FGF12: variants seen among roughly 807,000 people sequenced by gnomAD.
FGF12 encodes fibroblast growth factor 12B.
A neutral mutation model predicts 23.6 loss-of-function variants in FGF12; 14 were observed. The ratio of observed to expected loss-of-function variants is 0.59; its 90% CI spans 0.39 to 0.93. The LOEUF (loss-of-function observed/expected upper bound fraction) is 0.93. Among genes scored for constraint, FGF12 ranks in the 40% least tolerant of loss-of-function variants. The pLI, the probability that FGF12 is intolerant of heterozygous loss-of-function variation, is 0.00. For synonymous variants in FGF12, 62 were observed against 77.3 expected, an observed-to-expected ratio of 0.80 and a Z score of 1.04; for missense variants, 175 against 217.8, an observed-to-expected ratio of 0.80 and a Z score of 1.24.
intron 4 of FGF12, among the ~76,000 whole-genome samples, chr3:192,318,314 A>G (rs1716338067): frequency 6.6e-6 from 1 of 152,196 alleles, no homozygotes; most frequent in South Asian, 2.1e-4. Flanking sequence ...TGTTTTGAGG[A>G]AGGTCAACAA....
At chr3:192,296,336 A>G (rs1715041698) in intron 4 of FGF12, among the ~76,000 whole-genome samples, 1 of 150,508 alleles carries the variant, frequency 6.6e-6, no homozygotes, top group South Asian at 2.1e-4. Flanking sequence ...TGGTCCCCCC[A>G]CCTCAGCCTT....
Position 192,331,591 on chromosome 3 carries a change from C to T in FGF12, c.228+3770G>A, listed in dbSNP as rs538660161. 1.2e-4 allele frequency among the ~76,000 whole-genome samples: 19 copies of T among 152,090 alleles called. No homozygotes were observed. In the East Asian group the frequency reaches 3.3e-3, roughly 26 times the overall value. On this transcript the variant is annotated intron_variant, in intron 4 of 5. Coordinates refer to ENST00000445105, the MANE Select transcript of FGF12 (RefSeq NM_004113.6). ...TACGCTAAGTGAAATAAGCCAGTTA[C>T]AAAATGCACAAATACTGCATTTTCC...
At chr3:192,520,988 A>G (rs1209019273) in intron 2 of FGF12, among the ~76,000 whole-genome samples, 1 of 152,236 alleles carries the variant, frequency 6.6e-6, no homozygotes, top group Non-Finnish European at 1.5e-5. Context: ...CCTGTGAGAA[A>G]TACACTCTGT....
At chr3:192,499,443 A>C (rs1318579136) in intron 2 of FGF12, among the ~76,000 whole-genome samples, 2 of 140,800 alleles carry the variant, frequency 1.4e-5, no homozygotes, top group African/African-American at 5.2e-5. Context: ...CAATTTATTA[A>C]TCTGCCAACT....
At chr3:192,586,290 C>A (rs1713371368) in intron 2 of FGF12, among the ~76,000 whole-genome samples, 1 of 152,134 alleles carries the variant, frequency 6.6e-6, no homozygotes, top group South Asian at 2.1e-4. Flanking sequence ...TGGATTTCTG[C>A]TCATGAGCTT....
chr3:192,635,536 G>A (rs1715546323), intron 2 of FGF12, among the ~76,000 whole-genome samples: 1 of 152,176 alleles, frequency 6.6e-6, no homozygotes, highest in South Asian at 2.1e-4. Context: ...ATTAAACCCT[G>A]TACTATACCA....
chr3:192,419,010 C>A (rs1165965607), intron 2 of FGF12, among the ~76,000 whole-genome samples: 1 of 152,170 alleles, frequency 6.6e-6, no homozygotes, highest in Non-Finnish European at 1.5e-5. Flanking sequence ...CTCACAATAA[C>A]CCTGGCAAGG....
chr3:192,371,117 C>A (rs184627506), intron 2 of FGF12, among the ~76,000 whole-genome samples: 1 of 152,196 alleles, frequency 6.6e-6, no homozygotes, highest in African/African-American at 2.4e-5. Flanking sequence ...GCTTTCCAGG[C>A]AGCTCAAAAA....
intron 2 of FGF12, among the ~76,000 whole-genome samples, chr3:192,368,953 A>G (rs141960597): frequency 1.8e-3 from 272 of 152,280 alleles, no homozygotes; most frequent in African/African-American, 5.8e-3. Context: ...GAGCCTTCTA[A>G]GCACAGCTTT....
At chr3:192,634,672 A>G (rs1715514317) in intron 2 of FGF12, among the ~76,000 whole-genome samples, 2 of 152,192 alleles carry the variant, frequency 1.3e-5, no homozygotes, top group African/African-American at 4.8e-5. Flanking sequence ...CTTTGTTCCA[A>G]GAAGGTGTAC....
rs1428039029 is a variant in FGF12, at chr3:192,139,909, A to G, written c.*4100T>C. The G allele has an allele frequency of 6.6e-6, 1 of 152,056 alleles. No homozygotes were observed. Among genetic ancestry groups the G allele is most frequent in the Admixed American group, 6.5e-5 (1 of 15,274 alleles). The allele number at this position is 152,056 out of a possible 1,614,324, so 9.4% of individuals were successfully genotyped here. ...TCTCAATTTGATATGACTTAACATG[A>G]AATCTGTATTGGGAAGTATAGATTT... is the stretch of plus-strand genomic sequence containing the variant. On this transcript the variant is annotated 3_prime_UTR_variant, in exon 6 of 6. Transcript: ENST00000445105.
At chr3:192,463,107 T>C (rs1722909307) in intron 2 of FGF12, among the ~76,000 whole-genome samples, 1 of 152,150 alleles carries the variant, frequency 6.6e-6, no homozygotes. Flanking sequence ...TCAAAGTTGT[T>C]ACTTTAGGGT....
intron 2 of FGF12, among the ~76,000 whole-genome samples, chr3:192,418,705 G>C (rs1721430559): frequency 6.6e-6 from 1 of 152,082 alleles, no homozygotes; most frequent in Non-Finnish European, 1.5e-5. Flanking sequence ...CTGTTTAAAA[G>C]TATATGGCAC....
chr3:192,381,809 C>T, intron 2 of FGF12, among the ~76,000 whole-genome samples: 1 of 152,118 alleles, frequency 6.6e-6, no homozygotes, highest in East Asian at 1.9e-4. Context: ...ATTTAAACAA[C>T]TGAAAGTGTG....
At chr3:192,507,256 C>G (rs1357816081) in intron 2 of FGF12, among the ~76,000 whole-genome samples, 2 of 150,944 alleles carry the variant, frequency 1.3e-5, no homozygotes, top group Non-Finnish European at 2.9e-5. Context: ...AGAGGGGGGT[C>G]CAGTCAGTCA....
chr3:192,435,493 C>T lies in FGF12; in HGVS notation c.14-74955G>A, dbSNP rs187077077. ...GGTGATGTCCTGAACTTGCAAGTTT[C>T]GGGAAGTTGGCGATCCATTTTGACC... On this transcript the variant is annotated intron_variant, in intron 2 of 5. Transcript: ENST00000445105. Among the ~76,000 whole-genome samples, 337 of 152,250 alleles carry T rather than the reference C, an allele frequency of 2.2e-3. 3 individuals are homozygous for T. The highest frequency in any genetic ancestry group is 7.7e-3 in the African/African-American group (321 of 41,562).
At chr3:192,415,732 T>TCTCACACACACACA (rs369293180) in intron 2 of FGF12, among the ~76,000 whole-genome samples, 2 of 117,948 alleles carry the variant, frequency 1.7e-5, no homozygotes, top group African/African-American at 3.2e-5. Context: ...TCTCTCTCTC[T>TCTCACACACACACA]CACACACACA....
At chr3:192,536,577 T>C (rs112343650) in intron 2 of FGF12, among the ~76,000 whole-genome samples, 1,524 of 152,132 alleles carry the variant, frequency 0.01, 18 homozygotes, top group African/African-American at 0.034. Flanking sequence ...TTAACAAAAA[T>C]TGTAAAATAT....
At chr3:192,178,575 T>C (rs1443468670) in intron 4 of FGF12, among the ~76,000 whole-genome samples, 1 of 152,138 alleles carries the variant, frequency 6.6e-6, no homozygotes, top group African/African-American at 2.4e-5. Flanking sequence ...CTCGGCTCAC[T>C]GCAACCTCCA....
Sources: gnomAD v4.1 joint callset for allele counts (sites outside exome capture counted in the v4.1 genomes callset) on GRCh38, gnomAD v4.1.1 for gene constraint, MANE v1.5 for transcripts, NCBI Gene and HGNC (gene_info 2026-07-23, HGNC 2026-07-21) for gene names.